The following CDH8 variants were observed in gnomAD, a reference collection of about 807,000 sequenced individuals.
The protein encoded by CDH8 is cadherin 8.
A neutral mutation model predicts 68.1 loss-of-function variants in CDH8; 17 were observed. The observed-to-expected ratio is 0.25, with a 90% CI of 0.17 to 0.37. The LOEUF is 0.37. Among genes scored for constraint, CDH8 ranks in the 10% least tolerant of loss-of-function variants. The pLI, the probability that CDH8 is intolerant of heterozygous loss-of-function variation, is 1.00. For missense variants in CDH8, 763 were observed against 999.3 expected (o/e 0.76, Z 3.19); for synonymous variants, 372 against 365.1 (o/e 1.02, Z -0.21).
chr16:61,729,929 C>T (rs1313279075), intron 8 of CDH8, among the ~76,000 whole-genome samples: 1 of 151,244 alleles, frequency 6.6e-6, no homozygotes, highest in Non-Finnish European at 1.5e-5. Flanking sequence ...TTGATTAGGC[C>T]AAGTCAACTA....
chr16:61,688,029 A>T lies in CDH8; in HGVS notation c.1654+25812T>A, dbSNP rs12103221. Among the ~76,000 whole-genome samples the T allele has an allele frequency of 2.3e-3, 346 of 152,188 alleles. 1 individual carries two copies. The highest frequency in any genetic ancestry group is 8.1e-3 in the African/African-American group (336 of 41,542). On this transcript the variant is annotated intron_variant, in intron 10 of 11. Transcript: ENST00000577390. ...AACTCATCTCGTAACCTGACCTAAAAGGACTCTGATTTATTTCTCTCTGCA... is the reference window on the plus strand; with the variant it reads ...AACTCATCTCGTAACCTGACCTAAATGGACTCTGATTTATTTCTCTCTGCA...
chr16:61,812,006 T>C (rs769226701), intron 7 of CDH8, among the ~76,000 whole-genome samples: 4 of 152,168 alleles, frequency 2.6e-5, no homozygotes, highest in Non-Finnish European at 5.9e-5. Context: ...AATACTATAT[T>C]GTGCACTTAT....
chr16:61,825,253 G>T, intron 4 of CDH8, 74 bp from the exon 5 acceptor site: 2 of 1,149,992 alleles, frequency 1.7e-6, no homozygotes, highest in Non-Finnish European at 2.5e-6. Flanking sequence ...TCTCACACAT[G>T]CACACATACA....
chr16:61,833,052 C>T (rs1039729187), intron 4 of CDH8, among the ~76,000 whole-genome samples: 5 of 151,402 alleles, frequency 3.3e-5, no homozygotes, highest in Admixed American at 2.6e-4. Context: ...GCCATGTGAT[C>T]GTGGGCAGGT....
At chr16:61,660,562 TA>T (rs939598371) in intron 10 of CDH8, among the ~76,000 whole-genome samples, 3 of 151,180 alleles carry the variant, frequency 2.0e-5, no homozygotes, top group African/African-American at 4.8e-5. Context: ...AAACCTGAAT[TA>T]AAAAAAATAG....
rs774326980 is a variant in CDH8, at chr16:61,653,638, G to A, written c.2370C>T (p.Tyr790=). 3 of 1,613,092 alleles carry A rather than the reference G, an allele frequency of 1.9e-6. No individual in the cohort carries two copies. Among genetic ancestry groups the A allele is most frequent in the South Asian group, 2.2e-5 (2 of 90,930 alleles). ...GPRFKRLGEL[Y]SVGESDKET ...TTTCTTTGTCACTTTCACCAACAGA[G>A]TAGAGTTCGCCCAGTCTCTTAAAGC... is the stretch of plus-strand genomic sequence containing the variant. Residue 790 remains tyrosine (Y), a synonymous_variant, in exon 12 of 12, where the codon TAC becomes TAT. Transcript: ENST00000577390.
chr16:61,746,249 T>G (rs1960017153), intron 8 of CDH8, among the ~76,000 whole-genome samples: 1 of 152,042 alleles, frequency 6.6e-6, no homozygotes, highest in Non-Finnish European at 1.5e-5. Flanking sequence ...TCTAGATACC[T>G]CGGTAACCCT....
chr16:61,925,974 A>G (rs542204374), intron 2 of CDH8, among the ~76,000 whole-genome samples: 2 of 152,344 alleles, frequency 1.3e-5, no homozygotes, highest in East Asian at 3.9e-4. Context: ...TATACCATAT[A>G]CTGTTCAAAT....
At chr16:61,918,794 C>T (rs1964301729) in intron 2 of CDH8, 1 of 152,156 alleles carries the variant, frequency 6.6e-6, no homozygotes, top group South Asian at 2.0e-4. Flanking sequence ...CCGGGAAGCT[C>T]CAACTGGGTG....
intron 4 of CDH8, among the ~76,000 whole-genome samples, chr16:61,854,394 T>C (rs929979709): frequency 1.3e-5 from 2 of 152,070 alleles, no homozygotes; most frequent in African/African-American, 4.8e-5. Context: ...TAATGTTTGC[T>C]CCAGGGGTCC....
intron 2 of CDH8, among the ~76,000 whole-genome samples, chr16:61,953,312 C>G (rs1964925787): frequency 6.6e-6 from 1 of 152,114 alleles, no homozygotes; most frequent in Non-Finnish European, 1.5e-5. Context: ...TTTCATGGAG[C>G]AGAGCTTTCC....
chr16:61,901,521 T>C, intron 2 of CDH8, 48 bp from the exon 3 acceptor site: 1 of 1,404,400 alleles, frequency 7.1e-7, no homozygotes, highest in South Asian at 1.3e-5. Context: ...TCTGAAAAGT[T>C]ATTTTTTTAA....
At chr16:61,964,933 A>G (rs1175266648) in intron 2 of CDH8, among the ~76,000 whole-genome samples, 1 of 152,224 alleles carries the variant, frequency 6.6e-6, no homozygotes. Flanking sequence ...ACAGCATCCT[A>G]CTCAGCTCTA....
chr16:61,871,809 T>C (rs1963369954), intron 3 of CDH8, among the ~76,000 whole-genome samples: 1 of 99,388 alleles, frequency 1.0e-5, no homozygotes, highest in Non-Finnish European at 2.0e-5. Context: ...TCTATTGTTC[T>C]ATATGCAAAA....
intron 8 of CDH8, among the ~76,000 whole-genome samples, chr16:61,772,549 AGCT>A (rs1960805126): frequency 6.6e-6 from 1 of 152,094 alleles, no homozygotes; most frequent in East Asian, 1.9e-4. Context: ...GCACACAGTA[AGCT>A]GCGACACTTT....
At chr16:62,006,217 G>A (rs1280835593) in intron 2 of CDH8, among the ~76,000 whole-genome samples, 1 of 152,148 alleles carries the variant, frequency 6.6e-6, no homozygotes, top group East Asian at 1.9e-4. Flanking sequence ...AGAAATACTT[G>A]GAAGAGCAAA....
intron 3 of CDH8, among the ~76,000 whole-genome samples, chr16:61,880,983 C>A (rs1453554308): frequency 6.6e-6 from 1 of 151,158 alleles, no homozygotes; most frequent in Non-Finnish European, 1.5e-5. Context: ...AACAAAGGAA[C>A]CGAGACCCTC....
intron 9 of CDH8, among the ~76,000 whole-genome samples, chr16:61,721,165 A>T (rs574325949): frequency 6.6e-6 from 1 of 150,848 alleles, no homozygotes; most frequent in East Asian, 2.0e-4. Flanking sequence ...TCCAAAAGTC[A>T]TACTTTTGTT....
intron 2 of CDH8, among the ~76,000 whole-genome samples, chr16:61,976,930 A>G (rs1321618350): frequency 6.6e-6 from 1 of 152,182 alleles, no homozygotes; most frequent in Non-Finnish European, 1.5e-5. Context: ...TCCATTTGAG[A>G]AAACAGTGCG....
Sources: gnomAD v4.1 joint callset for allele counts (sites outside exome capture counted in the v4.1 genomes callset) on GRCh38, gnomAD v4.1.1 for gene constraint, MANE v1.5 for transcripts, NCBI Gene and HGNC (gene_info 2026-07-23, HGNC 2026-07-21) for gene names.